The following WDPCP variants were observed in gnomAD, a reference collection of about 807,000 sequenced individuals.
The protein encoded by WDPCP is WD repeat containing planar cell polarity effector.
WDPCP carries 71 observed loss-of-function variants against 93.1 expected under a neutral mutation model. The observed-to-expected ratio is 0.76, with a 90% CI of 0.63 to 0.93. The LOEUF is 0.93. Among genes scored for constraint, WDPCP ranks in the 40% least tolerant of loss-of-function variants. The pLI, the probability that WDPCP is intolerant of heterozygous loss-of-function variation, is 0.00. For missense variants in WDPCP, 844 were observed against 887.4 expected (o/e 0.95, Z 0.62); for synonymous variants, 315 against 315.0 (o/e 1.00, Z 0.00).
chr2:63,643,883 G>A (rs1412911642), intron 3 of WDPCP: 2 of 530,798 alleles, frequency 3.8e-6, no homozygotes, highest in Non-Finnish European at 7.7e-6. Flanking sequence ...TCCTGTCAAG[G>A]CATACTTAAG....
chr2:63,139,915 A>G (rs1482476637), intron 17 of WDPCP, among the ~76,000 whole-genome samples: 6 of 152,174 alleles, frequency 3.9e-5, no homozygotes, highest in South Asian at 2.1e-4. Context: ...GGTTTTTCCA[A>G]TGTTATCTTC....
chr2:63,591,090 T>C (rs1416232538), upstream of WDPCP: 1 of 152,254 alleles, frequency 6.6e-6, no homozygotes, highest in African/African-American at 2.4e-5. Flanking sequence ...TCAATCTTTA[T>C]AGCTGAGAAG....
chr2:63,758,094 G>GT (rs76567414), intron 2 of WDPCP, among the ~76,000 whole-genome samples: 1,994 of 141,616 alleles, frequency 0.014, 18 homozygotes, highest in African/African-American at 0.039. Flanking sequence ...AGTGTTGTTG[G>GT]TTTTTTTTTT....
At chr2:63,157,777 C>G (rs1672358607) in intron 15 of WDPCP, among the ~76,000 whole-genome samples, 1 of 152,024 alleles carries the variant, frequency 6.6e-6, no homozygotes, top group Non-Finnish European at 1.5e-5. Context: ...TTCTTTTTCT[C>G]TTTGTCTGAC....
chr2:63,717,684 G>C, intron 2 of WDPCP: 1 of 488,944 alleles, frequency 2.0e-6, no homozygotes, highest in Non-Finnish European at 4.1e-6. Flanking sequence ...CTTAGAGCAG[G>C]GCAAGGCCAA....
chr2:63,690,957 C>A (rs1668880516), intron 2 of WDPCP, among the ~76,000 whole-genome samples: 1 of 151,868 alleles, frequency 6.6e-6, no homozygotes, highest in Non-Finnish European at 1.5e-5. Flanking sequence ...AAAAAAAAAC[C>A]ACATAATTCA....
chr2:63,678,236 A>G (rs1167979402), intron 2 of WDPCP, among the ~76,000 whole-genome samples: 2 of 152,204 alleles, frequency 1.3e-5, no homozygotes, highest in Non-Finnish European at 2.9e-5. Context: ...CTGTACATCC[A>G]GGCATCACAG....
intron 12 of WDPCP, among the ~76,000 whole-genome samples, chr2:63,315,944 G>C (rs1233510805): frequency 6.8e-6 from 1 of 146,596 alleles, no homozygotes; most frequent in Non-Finnish European, 1.5e-5. Flanking sequence ...TTTTTTTTTT[G>C]TAGAAATGAG....
intron 1 of WDPCP, among the ~76,000 whole-genome samples, chr2:63,538,245 A>G (rs1443222832): frequency 6.6e-6 from 1 of 152,154 alleles, no homozygotes; most frequent in Non-Finnish European, 1.5e-5. Context: ...TGTCAGCAAT[A>G]TTATTAAAAA....
intron 6 of WDPCP, among the ~76,000 whole-genome samples, chr2:63,474,885 C>T (rs1463025734): frequency 6.6e-6 from 1 of 152,006 alleles, no homozygotes; most frequent in Admixed American, 6.6e-5. Flanking sequence ...TAAATGTCTG[C>T]ACAGTAAAAA....
At chr2:63,483,679 A>G (rs983220622) in intron 6 of WDPCP, among the ~76,000 whole-genome samples, 1 of 152,132 alleles carries the variant, frequency 6.6e-6, no homozygotes, top group Middle Eastern at 3.4e-3. Flanking sequence ...TACACAAAAT[A>G]AATCACATTG....
chr2:63,788,280 AAT>A (rs1237520904), intron 2 of WDPCP, among the ~76,000 whole-genome samples: 31 of 152,204 alleles, frequency 2.0e-4, no homozygotes, highest in African/African-American at 7.5e-4. Context: ...CAAAATGAGC[AAT>A]ATGTCATTGG....
intron 13 of WDPCP, among the ~76,000 whole-genome samples, chr2:63,312,313 C>A (rs1204183893): frequency 6.6e-6 from 1 of 152,126 alleles, no homozygotes; most frequent in East Asian, 1.9e-4. Flanking sequence ...ATTTAAACTA[C>A]AAAATGTCTT....
chr2:63,617,940 GA>G (rs1160366337), intron 3 of WDPCP, among the ~76,000 whole-genome samples: 1 of 151,966 alleles, frequency 6.6e-6, no homozygotes, highest in African/African-American at 2.4e-5. Context: ...CACTTATCTT[GA>G]AACCACACTG....
At chr2:63,717,457 GA>G in intron 2 of WDPCP, 1 of 387,252 alleles carries the variant, frequency 2.6e-6, no homozygotes, top group Non-Finnish European at 5.0e-6. Flanking sequence ...CTAAAGGTGG[GA>G]AAGAATTAAG....
upstream of WDPCP, among the ~76,000 whole-genome samples, chr2:63,592,737 T>G (rs1709224443): frequency 6.6e-6 from 1 of 152,266 alleles, no homozygotes; most frequent in Admixed American, 6.5e-5. Flanking sequence ...CATTTCCATC[T>G]TTTTGATAGT....
At chr2:63,793,442 T>C (rs182201201) in intron 2 of WDPCP, among the ~76,000 whole-genome samples, 40 of 152,266 alleles carry the variant, frequency 2.6e-4, no homozygotes, top group Admixed American at 2.4e-3. Context: ...ATCCCATCTC[T>C]ATTAAAAACA....
intron 2 of WDPCP, among the ~76,000 whole-genome samples, chr2:63,664,214 G>A (rs139451267): frequency 6.6e-6 from 1 of 152,270 alleles, no homozygotes; most frequent in East Asian, 1.9e-4. Flanking sequence ...AAAGTTCTTG[G>A]TTTCAAACAA....
intron 9 of WDPCP, among the ~76,000 whole-genome samples, chr2:63,406,840 C>G (rs1694628636): frequency 1.3e-5 from 2 of 152,112 alleles, no homozygotes; most frequent in Admixed American, 1.3e-4. Flanking sequence ...TTATGATCTA[C>G]TTTTAGGTCA....
Sources: gnomAD v4.1 joint callset for allele counts (sites outside exome capture counted in the v4.1 genomes callset) on GRCh38, gnomAD v4.1.1 for gene constraint, MANE v1.5 for transcripts, NCBI Gene and HGNC (gene_info 2026-07-23, HGNC 2026-07-21) for gene names.